Variants in TTLL11 observed in about 807,000 individuals in gnomAD.
TTLL11 encodes tubulin tyrosine ligase like 11.
A neutral mutation model predicts 51.7 loss-of-function variants in TTLL11; 42 were observed. The ratio of observed to expected loss-of-function variants is 0.81; its 90% CI spans 0.64 to 1.05. The LOEUF (loss-of-function observed/expected upper bound fraction) is 1.05, where lower values mean the gene tolerates loss of function less well. Among genes scored for constraint, TTLL11 ranks in the 50% least tolerant of loss-of-function variants. The probability of loss-of-function intolerance (pLI) is 0.00; values close to 1 mark genes in which losing one functional copy is unlikely to be tolerated. For synonymous variants in TTLL11, 381 were observed against 383.5 expected (o/e 0.99, Z 0.08); for missense variants, 799 against 940.4 (o/e 0.85, Z 1.97).
chr9:122,034,605 G>A (rs530684260), intron 2 of TTLL11, among the ~76,000 whole-genome samples: 1 of 152,272 alleles, frequency 6.6e-6, no homozygotes, highest in African/African-American at 2.4e-5. Flanking sequence ...GTGCCACCAG[G>A]GAAAGAGTTT....
chr9:121,872,943 C>T (rs1317090140), intron 6 of TTLL11, among the ~76,000 whole-genome samples: 2 of 152,096 alleles, frequency 1.3e-5, no homozygotes, highest in Non-Finnish European at 2.9e-5. Flanking sequence ...CAGTAAATAT[C>T]AGGTGGTTGC....
chr9:121,843,190 GAGA>G (rs1837412474), intron 8 of TTLL11, among the ~76,000 whole-genome samples: 1 of 151,820 alleles, frequency 6.6e-6, no homozygotes, highest in Non-Finnish European at 1.5e-5. Context: ...AAAAAAATGA[GAGA>G]AGTAGTCACT....
chr9:121,989,882 C>T lies in TTLL11; in HGVS notation c.694-112G>A, dbSNP rs192065219. On this transcript the variant is annotated intron_variant, in intron 3 of 8. Coordinates refer to ENST00000321582, the MANE Select transcript of TTLL11 (RefSeq NM_001139442.2). This position sits in a 1 kb window ranked among gnomAD's most constrained non-coding sequence, Gnocchi z 4.2. ...GAATGAGTGACAAGATGATCCCTGC[C>T]GATCTGAGCAGGGGCTGAGCATCTT... The T allele has an allele frequency of 3.5e-5, 52 of 1,502,652 alleles. No individual in the cohort carries two copies. The Admixed American group carries it at 4.5e-4, about 13-fold the overall frequency. 93.1% of individuals were successfully genotyped at this position (1,502,652 alleles called of 1,614,324 possible). A position where few individuals can be genotyped will look rare whatever the true frequency, so the allele number is the denominator to read the frequency against.
chr9:122,032,020 G>C (rs1844567783), intron 2 of TTLL11, among the ~76,000 whole-genome samples, 164 bp from the exon 3 acceptor site: 3 of 152,154 alleles, frequency 2.0e-5, no homozygotes, highest in African/African-American at 7.2e-5. Context: ...CTCATGGTTT[G>C]GAAAGAACTA....
intron 6 of TTLL11, among the ~76,000 whole-genome samples, chr9:121,893,472 T>C (rs1454978421): frequency 1.3e-5 from 2 of 152,152 alleles, no homozygotes; most frequent in African/African-American, 4.8e-5. Flanking sequence ...ATTATCCCCA[T>C]TTTACAGATG....
chr9:122,031,980 A>G (rs1402556058), intron 2 of TTLL11, 124 bp from the exon 3 acceptor site: 2 of 1,370,940 alleles, frequency 1.5e-6, no homozygotes, highest in Non-Finnish European at 2.0e-6. Context: ...GATTTTTAAA[A>G]AAGGTCTGAG....
chr9:122,082,108 G>A (rs1846016010), intron 1 of TTLL11, among the ~76,000 whole-genome samples: 1 of 152,182 alleles, frequency 6.6e-6, no homozygotes, highest in African/African-American at 2.4e-5. Flanking sequence ...CCTGCTGAGG[G>A]CAATTTGATA....
At position 121,989,829 on chromosome 9, in the gene TTLL11, CAG is replaced by C; in HGVS notation, c.694-61_694-60del. 11 of 1,530,464 alleles carry C rather than the reference CAG, an allele frequency of 7.2e-6. No individual in the cohort carries two copies. Among genetic ancestry groups the C allele is most frequent in the Non-Finnish European group, 9.6e-6 (11 of 1,143,398 alleles). The allele number at this position is 1,530,464 out of a possible 1,614,324, so 94.8% of individuals were successfully genotyped here. On this transcript the variant is annotated intron_variant, in intron 3 of 8. Coordinates refer to ENST00000321582, the MANE Select transcript of TTLL11 (RefSeq NM_001139442.2). The surrounding 1 kb of genome is among the most constrained non-coding windows in gnomAD (Gnocchi z 4.2). The stretch of plus-strand genomic sequence containing the variant: ...TTGTTTTCCCTCTGGATCCCTAACA[CAG>C]AGCAAGGCCTTAGCAAATGTGTGGT...
At chr9:121,942,090 A>G (rs1841497955) in intron 6 of TTLL11, among the ~76,000 whole-genome samples, 1 of 152,050 alleles carries the variant, frequency 6.6e-6, no homozygotes, top group African/African-American at 2.4e-5. Context: ...CCTAGAATCA[A>G]ATCTATACTC....
chr9:121,967,498 C>T (rs2131639794), intron 6 of TTLL11, among the ~76,000 whole-genome samples: 1 of 152,264 alleles, frequency 6.6e-6, no homozygotes, highest in East Asian at 1.9e-4. Flanking sequence ...TCTGGGATTA[C>T]AGGCGTGAGC....
At chr9:121,896,048 T>C (rs1839507968) in intron 6 of TTLL11, among the ~76,000 whole-genome samples, 1 of 147,026 alleles carries the variant, frequency 6.8e-6, no homozygotes, top group Admixed American at 6.8e-5. Context: ...TTGTGTACAT[T>C]TGTGTGGCTG....
intron 6 of TTLL11, among the ~76,000 whole-genome samples, chr9:121,968,699 G>A (rs955883955): frequency 6.6e-6 from 1 of 151,888 alleles, no homozygotes; most frequent in Non-Finnish European, 1.5e-5. Context: ...TGGGACTACA[G>A]ACATGCACCA....
At chr9:122,040,615 A>C (rs1198253830) in intron 1 of TTLL11, among the ~76,000 whole-genome samples, 1 of 152,226 alleles carries the variant, frequency 6.6e-6, no homozygotes, top group Non-Finnish European at 1.5e-5. Flanking sequence ...AGGTAATCAG[A>C]ATTTTTATCT....
chr9:121,948,010 A>G (rs756814690), intron 6 of TTLL11, among the ~76,000 whole-genome samples: 5 of 152,356 alleles, frequency 3.3e-5, no homozygotes, highest in East Asian at 1.9e-4. Context: ...CTACTCTGCA[A>G]CTAGGCACTG....
rs933235648 is a variant in TTLL11 at position 121,899,529 on chromosome 9, A to C, written c.1482-28781T>G. On this transcript the variant is annotated intron_variant, in intron 6 of 8. Coordinates refer to ENST00000321582, the MANE Select transcript of TTLL11 (RefSeq NM_001139442.2). ...AAAGATCCTCCTGCCTCAGCCTCCC[A>C]AGTGGTTGGGACTACAGGTGCACCA... 4.6e-5 allele frequency among the ~76,000 whole-genome samples: 7 copies of C among 151,576 alleles called. No individual in the cohort carries two copies. In the East Asian group the frequency reaches 1.4e-3, roughly 29 times the overall value.
intron 6 of TTLL11, among the ~76,000 whole-genome samples, chr9:121,885,930 T>A (rs1838995382): frequency 6.6e-6 from 1 of 152,204 alleles, no homozygotes. Flanking sequence ...AGTTTCTCTA[T>A]GTTGTCCAGG....
chr9:121,900,814 CTTAT>C (rs1176936504), intron 6 of TTLL11, among the ~76,000 whole-genome samples: 1 of 152,022 alleles, frequency 6.6e-6, no homozygotes, highest in Admixed American at 6.6e-5. Context: ...TTTTTATTTG[CTTAT>C]TTATTTTTGA....
intron 6 of TTLL11, among the ~76,000 whole-genome samples, chr9:121,969,676 T>C (rs1485572609): frequency 1.3e-5 from 2 of 152,190 alleles, no homozygotes; most frequent in East Asian, 1.9e-4. Context: ...AGGCTGGGAT[T>C]CCATTTGTTT....
At chr9:122,048,510 TG>T (rs1845077477) in intron 1 of TTLL11, among the ~76,000 whole-genome samples, 1 of 152,134 alleles carries the variant, frequency 6.6e-6, no homozygotes, top group South Asian at 2.1e-4. Context: ...ATTGCTCCTT[TG>T]CTACAACTCT....
Sources: gnomAD v4.1 joint callset for allele counts (sites outside exome capture counted in the v4.1 genomes callset) on GRCh38, gnomAD v4.1.1 for gene constraint, Gnocchi (gnomAD v3.1) non-coding constraint, MANE v1.5 for transcripts, NCBI Gene and HGNC (gene_info 2026-07-23, HGNC 2026-07-21) for gene names.